The following L3MBTL3 variants were observed in gnomAD, a reference collection of about 807,000 sequenced individuals.
The protein encoded by L3MBTL3 is lethal(3)malignant brain tumor-like protein 3.
In L3MBTL3, 27 loss-of-function variants were observed where a neutral mutation model predicts 102.3. That is an observed-to-expected ratio of 0.26 (90% confidence interval 0.19 to 0.36). The LOEUF (loss-of-function observed/expected upper bound fraction) is 0.36, where lower values mean the gene tolerates loss of function less well. Ranked by LOEUF, L3MBTL3 falls within the 10% of genes least tolerant of loss-of-function variation. The probability of loss-of-function intolerance (pLI) is 1.00; values close to 1 mark genes in which losing one functional copy is unlikely to be tolerated. For missense variants in L3MBTL3, 798 were observed against 955.3 expected, an observed-to-expected ratio of 0.84 and a Z score of 2.17; for synonymous variants, 340 against 320.9, an observed-to-expected ratio of 1.06 and a Z score of -0.64.
chr6:130,077,842 G>A (rs1036442288), intron 13 of L3MBTL3, among the ~76,000 whole-genome samples: 3 of 152,068 alleles, frequency 2.0e-5, no homozygotes, highest in African/African-American at 7.2e-5. Flanking sequence ...GCATCTTTTA[G>A]ACCAACATTT....
chr6:130,025,692 T>C (rs774444620), intron 2 of L3MBTL3, among the ~76,000 whole-genome samples: 1 of 152,172 alleles, frequency 6.6e-6, no homozygotes, highest in Non-Finnish European at 1.5e-5. Context: ...ATGGTGATTA[T>C]AAGAATGATA....
chr6:130,020,207 C>A (rs1211347327), intron 1 of L3MBTL3, among the ~76,000 whole-genome samples: 2 of 150,402 alleles, frequency 1.3e-5, no homozygotes, highest in African/African-American at 4.9e-5. Context: ...TCCTGGGCCC[C>A]GCGGGCCGTC....
intron 20 of L3MBTL3, among the ~76,000 whole-genome samples, chr6:130,121,567 T>TG (rs1441066474): frequency 6.6e-6 from 1 of 152,218 alleles, no homozygotes; most frequent in Admixed American, 6.5e-5. Context: ...GGTACAATAT[T>TG]GTACATAAAG....
In L3MBTL3 at chr6:130,133,595, A is replaced by G. The variant is rs1412992403; in HGVS notation, c.2110A>G (p.Lys704Glu). 3.1e-6 allele frequency: 5 copies of G among 1,613,976 alleles called. No individual in the cohort carries two copies. The highest frequency in any genetic ancestry group is 4.2e-6 in the Non-Finnish European group (5 of 1,179,998). The change falls in exon 21 of 23, where the codon AAA becomes GAA. Residue 704 changes from lysine to glutamate, a missense_variant. Physicochemically the swap from Lys to Glu is moderately conservative, Grantham distance 56. Around this residue, in one of 4 missense-constraint regions of L3MBTL3, gnomAD observed 48 missense variants for 107.0 expected, o/e 0.45. Transcript: ENST00000361794. This position sits in a 1 kb window ranked among gnomAD's most constrained non-coding sequence, Gnocchi z 4.9. ...AACTGTCGCAGGAATCCCTGCCAGT[A>G]AAGTTTCCAAATGGAGCACAGACGA... is the stretch of plus-strand genomic sequence containing the variant. ...LPTVAGIPAS[K>E]VSKWSTDEVS...
chr6:130,042,794 A>C lies in L3MBTL3; in HGVS notation c.95A>C (p.Asp32Ala). 1 of 1,606,368 alleles carries C rather than the reference A, an allele frequency of 6.2e-7. No individual in the cohort carries two copies. Among genetic ancestry groups the C allele is most frequent in the Non-Finnish European group, 8.5e-7 (1 of 1,173,012 alleles). Residue 32 changes from aspartate to alanine, a missense_variant, in exon 3 of 23, where the codon GAC becomes GCC. Asp to Ala is a moderately radical substitution (Grantham distance 126, BLOSUM62 -2). Transcript: ENST00000361794. ...GGAGTGGGCACGTTACCAGGAAGTGACTTAAAGGTAAACCCTCTTTATTAC... is the reference window on the plus strand; with the variant it reads ...GGAGTGGGCACGTTACCAGGAAGTGCCTTAAAGGTAAACCCTCTTTATTAC... Reference protein sequence around the residue: ...KDGVGTLPGSDLKFRVNEFGA... With the variant: ...KDGVGTLPGSALKFRVNEFGA...
At chr6:130,078,701 A>G in intron 14 of L3MBTL3, 67 bp downstream of exon 14, 1 of 1,055,800 alleles carries the variant, frequency 9.5e-7, no homozygotes, top group Admixed American at 2.0e-5. Flanking sequence ...TTTTTCTGTA[A>G]AGGGCCAGAT....
intron 2 of L3MBTL3, among the ~76,000 whole-genome samples, chr6:130,028,032 A>G (rs1779465072): frequency 6.6e-6 from 1 of 151,870 alleles, no homozygotes; most frequent in African/African-American, 2.4e-5. Flanking sequence ...AATATGCCAT[A>G]GGCCCATTAA....
intron 10 of L3MBTL3, among the ~76,000 whole-genome samples, chr6:130,060,901 G>C (rs1781851916): frequency 1.3e-5 from 2 of 151,814 alleles, no homozygotes; most frequent in African/African-American, 4.8e-5. Context: ...AAATAGTCTT[G>C]TGTACTAGTT....
At chr6:130,137,650 TCTTA>T (rs1293348275) in intron 22 of L3MBTL3, 6 of 152,244 alleles carry the variant, frequency 3.9e-5, no homozygotes, top group Admixed American at 2.6e-4. Flanking sequence ...TGTGTTATAC[TCTTA>T]CATAGTTTCA....
chr6:130,048,941 AAC>A (rs6149808), intron 3 of L3MBTL3, among the ~76,000 whole-genome samples: 3,936 of 78,352 alleles, frequency 0.05, 160 homozygotes, highest in African/African-American at 0.1. Context: ...TCTTAGTTAA[AAC>A]ACACACACAC....
At chr6:130,098,371 T>C (rs1004957527) in intron 18 of L3MBTL3, among the ~76,000 whole-genome samples, 3 of 152,140 alleles carry the variant, frequency 2.0e-5, no homozygotes, top group Non-Finnish European at 4.4e-5. Flanking sequence ...GGTCCCTCCT[T>C]CTAAAGAGGC....
chr6:130,082,725 G>A (rs1430866708), intron 14 of L3MBTL3, among the ~76,000 whole-genome samples: 1 of 152,166 alleles, frequency 6.6e-6, no homozygotes, highest in Admixed American at 6.5e-5. Context: ...AACACTAAGT[G>A]TGCTTATTTA....
Position 130,076,829 on chromosome 6 carries a change from T to A in L3MBTL3, c.1245-1729T>A, listed in dbSNP as rs547924554. ...ATTAAGAAAATATAAGTAAAATAGA[T>A]AAAAACAGTAATATTTTTATCTTCT... On this transcript the variant is annotated intron_variant, in intron 13 of 22. Transcript: ENST00000361794. 2.4e-4 allele frequency among the ~76,000 whole-genome samples: 37 copies of A among 152,258 alleles called. No homozygotes were observed. The South Asian group carries it at 7.7e-3, about 32-fold the overall frequency.
chr6:130,091,039 C>T (rs1475785861), intron 16 of L3MBTL3, among the ~76,000 whole-genome samples: 2 of 150,474 alleles, frequency 1.3e-5, no homozygotes, highest in Non-Finnish European at 3.0e-5. Context: ...GAGTTCTTGA[C>T]ACAGGTGTTG....
chr6:130,092,652 G>A (rs1784129568), intron 16 of L3MBTL3, 93 bp from the exon 17 acceptor site: 1 of 711,426 alleles, frequency 1.4e-6, no homozygotes, highest in Non-Finnish European at 2.5e-6. Flanking sequence ...TACTGTATGT[G>A]TTAGAATGAA....
At chr6:130,037,841 AT>A (rs1269048095) in intron 2 of L3MBTL3, among the ~76,000 whole-genome samples, 1 of 152,102 alleles carries the variant, frequency 6.6e-6, no homozygotes, top group Non-Finnish European at 1.5e-5. Flanking sequence ...TTTTAACTAT[AT>A]TCACCCCCTG....
chr6:130,034,513 G>C (rs559919408), intron 2 of L3MBTL3, among the ~76,000 whole-genome samples: 126 of 152,260 alleles, frequency 8.3e-4, no homozygotes, highest in Middle Eastern at 3.4e-3. Flanking sequence ...ATGTGTCTGA[G>C]TCATCATTGC....
At position 130,083,723 on chromosome 6, in the gene L3MBTL3, A is replaced by G. The variant is rs1477076895; in HGVS notation, c.1407+18A>G. The G allele has an allele frequency of 1.5e-6, 2 of 1,325,128 alleles. No homozygotes were observed. The highest frequency in any genetic ancestry group is 1.1e-6 in the Non-Finnish European group (1 of 938,160). The allele number at this position is 1,325,128 out of a possible 1,614,324, so 82.1% of individuals were successfully genotyped here. A position where few individuals can be genotyped will look rare whatever the true frequency, so the allele number is the denominator to read the frequency against. The stretch of plus-strand genomic sequence containing the variant: ...TCAAAGTGGTAAGATGATACATTTT[A>G]TTAATTTGCGTGGATGAGATCATTT... On this transcript the variant is annotated intron_variant, in intron 15 of 22. Transcript: ENST00000361794.
At chr6:130,020,785 A>G (rs1778953726) in intron 1 of L3MBTL3, 1 of 147,428 alleles carries the variant, frequency 6.8e-6, no homozygotes, top group African/African-American at 2.5e-5. Context: ...CCCTTTCCTT[A>G]GGCAACTTCC....
Sources: allele counts gnomAD v4.1 joint callset (sites outside exome capture counted in the v4.1 genomes callset), GRCh38; gene constraint gnomAD v4.1.1; regional missense constraint gnomAD v4.1.1; non-coding constraint Gnocchi (gnomAD v3.1); transcripts MANE v1.5; gene names NCBI Gene and HGNC (gene_info 2026-07-23, HGNC 2026-07-21).